CFTR: variants seen among roughly 807,000 people sequenced by gnomAD.
CFTR encodes CF transmembrane conductance regulator.
Under a neutral mutation model 171.6 loss-of-function variants are expected in CFTR, and 181 were observed. The observed-to-expected ratio is 1.05, with a 90% CI of 0.93 to 1.19. The LOEUF (loss-of-function observed/expected upper bound fraction) is 1.19. Ranked by LOEUF, CFTR falls within the 50% of genes most tolerant of loss-of-function variation. The pLI, the probability that CFTR is intolerant of heterozygous loss-of-function variation, is 0.00. For synonymous variants in CFTR, 583 were observed against 608.0 expected, an observed-to-expected ratio of 0.96 and a Z score of 0.60; for missense variants, 1,968 against 1,734.7, an observed-to-expected ratio of 1.13 and a Z score of -2.39.
At chr7:117,562,405 A>T (rs1419336198) in intron 11 of CFTR, among the ~76,000 whole-genome samples, 1 of 152,190 alleles carries the variant, frequency 6.6e-6, no homozygotes, top group Non-Finnish European at 1.5e-5. Context: ...AATTATAAAG[A>T]TGGTCACTTA....
chr7:117,550,569 G>A (rs1266200050), intron 10 of CFTR, among the ~76,000 whole-genome samples: 1 of 152,106 alleles, frequency 6.6e-6, no homozygotes, highest in East Asian at 1.9e-4. Context: ...TACTAAATAA[G>A]TTAGCAATGG....
At chr7:117,626,125 T>C (rs1792645689) in intron 21 of CFTR, among the ~76,000 whole-genome samples, 1 of 152,096 alleles carries the variant, frequency 6.6e-6, no homozygotes, top group Admixed American at 6.6e-5. Flanking sequence ...TGAAGGAAAC[T>C]GAAGCACAGA....
chr7:117,543,211 A>G (rs770419918), intron 9 of CFTR, among the ~76,000 whole-genome samples: 3 of 152,340 alleles, frequency 2.0e-5, no homozygotes, highest in South Asian at 4.1e-4. Context: ...ATTCATTGAT[A>G]TAAGTAACTT....
At chr7:117,632,172 T>G (rs2116140935) in intron 22 of CFTR, among the ~76,000 whole-genome samples, 1 of 152,164 alleles carries the variant, frequency 6.6e-6, no homozygotes, top group East Asian at 1.9e-4. Flanking sequence ...AACAAAGAAT[T>G]AAAAATTCTG....
chr7:117,649,893 A>G (rs1302707212), intron 23 of CFTR, among the ~76,000 whole-genome samples: 2 of 152,116 alleles, frequency 1.3e-5, no homozygotes, highest in African/African-American at 4.8e-5. Flanking sequence ...TGAGGAAGTG[A>G]TATTTAATTT....
At chr7:117,535,435 G>A (rs1250935036) in intron 6 of CFTR, 24 bp downstream of exon 6, 3 of 1,607,116 alleles carry the variant, frequency 1.9e-6, no homozygotes. Flanking sequence ...TTCATAACTT[G>A]AAAGTTTTAA....
At chr7:117,577,535 G>T (rs1052958103) in intron 11 of CFTR, among the ~76,000 whole-genome samples, 20 of 152,110 alleles carry the variant, frequency 1.3e-4, no homozygotes, top group African/African-American at 4.8e-4. Flanking sequence ...AAGCATTCTT[G>T]ATTTATCATC....
intron 7 of CFTR, among the ~76,000 whole-genome samples, chr7:117,537,046 C>T (rs1365578888): frequency 6.6e-6 from 1 of 152,064 alleles, no homozygotes; most frequent in Non-Finnish European, 1.5e-5. Flanking sequence ...ATAGATGATT[C>T]TCTATTATTA....
At position 117,612,502 on chromosome 7, in the gene CFTR, A is replaced by G. The variant is rs1215780408; in HGVS notation, c.3367+694A>G. On this transcript the variant is annotated intron_variant, in intron 20 of 26. Coordinates refer to ENST00000003084, the MANE Select transcript of CFTR (RefSeq NM_000492.4). ...TAATAAGTAAAATAAAAATCTATGT[A>G]GGTAAATTTGTTTCTCTAATTTAAG... is the stretch of plus-strand genomic sequence containing the variant. Among the ~76,000 whole-genome samples, 4 of 152,150 alleles carry G rather than the reference A, an allele frequency of 2.6e-5. No individual in the cohort carries two copies. The East Asian group carries it at 5.8e-4, about 22-fold the overall frequency.
At chr7:117,536,235 A>G (rs1365697236) in intron 6 of CFTR, among the ~76,000 whole-genome samples, 1 of 152,160 alleles carries the variant, frequency 6.6e-6, no homozygotes, top group Non-Finnish European at 1.5e-5. Context: ...CTTACTAGTT[A>G]TGTGACCTTA....
At chr7:117,528,333 T>A (rs1455556032) in intron 3 of CFTR, among the ~76,000 whole-genome samples, 2 of 76,284 alleles carry the variant, frequency 2.6e-5, no homozygotes, top group African/African-American at 9.6e-5. Flanking sequence ...TGAAACTGGA[T>A]CCCTTCCTTA....
intron 24 of CFTR, among the ~76,000 whole-genome samples, chr7:117,660,686 G>GTA (rs1562928015): frequency 1.3e-5 from 2 of 151,186 alleles, no homozygotes; most frequent in South Asian, 2.1e-4. Context: ...GTGTGTGTGT[G>GTA]TGTATATACA....
At chr7:117,580,406 G>A (rs1329620231) in intron 11 of CFTR, among the ~76,000 whole-genome samples, 1 of 151,972 alleles carries the variant, frequency 6.6e-6, no homozygotes, top group Non-Finnish European at 1.5e-5. Context: ...GGGGAAAAGG[G>A]TACTTTCAAA....
chr7:117,544,276 T>A (rs901889039), intron 9 of CFTR, among the ~76,000 whole-genome samples: 1 of 152,190 alleles, frequency 6.6e-6, no homozygotes, highest in African/African-American at 2.4e-5. Context: ...ACTGTAAGTT[T>A]TATACATTTA....
chr7:117,529,852 A>G (rs770133619), intron 3 of CFTR, among the ~76,000 whole-genome samples: 1 of 152,178 alleles, frequency 6.6e-6, no homozygotes, highest in Non-Finnish European at 1.5e-5. Flanking sequence ...TTGGAAATAT[A>G]TATTTTAAAT....
At position 117,614,651 on chromosome 7, in the gene CFTR, G is replaced by A. The variant is rs755968404; in HGVS notation, c.3406G>A (p.Ala1136Thr). The A allele has an allele frequency of 1.4e-5, 23 of 1,612,190 alleles. 1 individual carries two copies. In the South Asian group the frequency reaches 1.8e-4, roughly 12 times the overall value. Residue 1136 changes from alanine to threonine, a missense_variant, in exon 21 of 27, where the codon GCC (alanine) becomes ACC (threonine). By Grantham distance (58) the Ala-to-Thr change is moderately conservative. Transcript: ENST00000003084. ...AAGAGTTGGTATTATCCTGACTTTAGCCATGAATATCATGAGTACATTGCA... is the reference window on the plus strand; with the variant it reads ...AAGAGTTGGTATTATCCTGACTTTAACCATGAATATCATGAGTACATTGCA... ...EGRVGIILTLAMNIMSTLQWA... is the reference protein window; with the variant it reads ...EGRVGIILTLTMNIMSTLQWA...
intron 3 of CFTR, among the ~76,000 whole-genome samples, chr7:117,524,295 A>G (rs1189084641): frequency 6.6e-6 from 1 of 151,974 alleles, no homozygotes; most frequent in African/African-American, 2.4e-5. Context: ...CTTCATGATC[A>G]CATGTGATAC....
chr7:117,525,626 C>A (rs1185518001), intron 3 of CFTR, among the ~76,000 whole-genome samples: 2 of 76,992 alleles, frequency 2.6e-5, no homozygotes, highest in Non-Finnish European at 4.9e-5. Flanking sequence ...GATCCCTTTA[C>A]CATTATGTAA....
In CFTR at chr7:117,610,674, G is replaced by T; in HGVS notation, c.3139+5G>T. On this transcript the variant is annotated splice_donor_5th_base_variant and intron_variant, in intron 19 of 26. Coordinates refer to ENST00000003084, the MANE Select transcript of CFTR (RefSeq NM_000492.4). ...TCAAACAACTGGAATCTGAAGGTATGACAGTGAATGTGCGATACTCATCTT... is the reference window on the plus strand; with the variant it reads ...TCAAACAACTGGAATCTGAAGGTATTACAGTGAATGTGCGATACTCATCTT... The T allele has an allele frequency of 6.2e-7, 1 of 1,613,100 alleles. No individual in the cohort carries two copies. Among genetic ancestry groups the T allele is most frequent in the South Asian group, 1.1e-5 (1 of 91,054 alleles).
Sources: allele counts gnomAD v4.1 joint callset (sites outside exome capture counted in the v4.1 genomes callset), GRCh38; gene constraint gnomAD v4.1.1; transcripts MANE v1.5; gene names NCBI Gene and HGNC (gene_info 2026-07-23, HGNC 2026-07-21).